SLC36A1: variants seen among roughly 807,000 people sequenced by gnomAD.
The protein encoded by SLC36A1 is proton-coupled amino acid transporter 1.
Under a neutral mutation model 47.5 loss-of-function variants are expected in SLC36A1, and 30 were observed. That is an observed-to-expected ratio of 0.63 (90% CI 0.47 to 0.86). SLC36A1 has a LOEUF of 0.86. Ranked by LOEUF, SLC36A1 falls within the 40% of genes least tolerant of loss-of-function variation. SLC36A1 has a pLI of 0.00. For missense variants in SLC36A1, 517 were observed against 606.0 expected (o/e 0.85, Z 1.54); for synonymous variants, 255 against 249.7 (o/e 1.02, Z -0.20).
the SLC36A1 span, among the ~76,000 whole-genome samples, chr5:151,549,041 T>C: frequency 6.6e-6 from 1 of 152,232 alleles, no homozygotes; most frequent in Non-Finnish European, 1.5e-5. Flanking sequence ...GTTTGGTCAC[T>C]GGTGGGTTTA....
At chr5:151,457,872 G>C (rs908789563) in intron 1 of SLC36A1, among the ~76,000 whole-genome samples, 10 of 145,628 alleles carry the variant, frequency 6.9e-5, no homozygotes, top group Non-Finnish European at 1.3e-4. Context: ...TTTTGAGATG[G>C]AGTTTCGCTC....
the SLC36A1 span, chr5:151,510,465 G>A: frequency 1.5e-5 from 4 of 258,238 alleles, no homozygotes; most frequent in African/African-American, 8.6e-5. Context: ...CTGTTCCAAG[G>A]ATCTTCCTGT....
At chr5:151,360,228 A>G in the SLC36A1 span, among the ~76,000 whole-genome samples, 1 of 152,178 alleles carries the variant, frequency 6.6e-6, no homozygotes, top group Non-Finnish European at 1.5e-5. Flanking sequence ...ATAGCTTTTC[A>G]CTTCTCCAAA....
At chr5:151,350,208 A>C in the SLC36A1 span, among the ~76,000 whole-genome samples, 1 of 152,052 alleles carries the variant, frequency 6.6e-6, no homozygotes, top group East Asian at 1.9e-4. Context: ...CCCCATCTAA[A>C]TAATAATGAT....
the SLC36A1 span, chr5:151,550,652 G>A: frequency 6.2e-7 from 1 of 1,614,184 alleles, no homozygotes; most frequent in South Asian, 1.1e-5. Flanking sequence ...ACCGTTACCA[G>A]GACACCACTG....
chr5:151,356,360 A>AAAAAAAAAAAAAAAAG, the SLC36A1 span, among the ~76,000 whole-genome samples: 3 of 148,284 alleles, frequency 2.0e-5, no homozygotes, highest in African/African-American at 7.6e-5. Context: ...AAAAAAAAAA[A>AAAAAAAAAAAAAAAAG]GAATACACGA....
intron 1 of SLC36A1, among the ~76,000 whole-genome samples, chr5:151,440,101 C>G (rs932072851): frequency 1.3e-5 from 2 of 152,168 alleles, no homozygotes; most frequent in African/African-American, 4.8e-5. Context: ...CGGCATTGCT[C>G]TCTGTATAGT....
chr5:151,440,707 T>C (rs1344924988), intron 1 of SLC36A1, among the ~76,000 whole-genome samples: 1 of 152,212 alleles, frequency 6.6e-6, no homozygotes, highest in Non-Finnish European at 1.5e-5. Flanking sequence ...CTCATCTGCT[T>C]TTCCAGCAAT....
the SLC36A1 span, among the ~76,000 whole-genome samples, chr5:151,427,800 G>A: frequency 6.6e-4 from 100 of 152,328 alleles, 1 homozygote; most frequent in Middle Eastern, 0.01. Context: ...GCCACTCAGG[G>A]TATTCAGACA....
chr5:151,456,214 G>A (rs542819344), intron 1 of SLC36A1, among the ~76,000 whole-genome samples: 12 of 152,260 alleles, frequency 7.9e-5, no homozygotes, highest in Admixed American at 1.3e-4. Flanking sequence ...TCACTATGGT[G>A]CCCAGGCTGG....
chr5:151,546,326 C>T, the SLC36A1 span: 1 of 1,611,290 alleles, frequency 6.2e-7, no homozygotes, highest in South Asian at 1.1e-5. Flanking sequence ...TTGAAGAAAC[C>T]TTCGCTGTTC....
chr5:151,371,747 AT>A, the SLC36A1 span, among the ~76,000 whole-genome samples: 1 of 152,228 alleles, frequency 6.6e-6, no homozygotes, highest in Admixed American at 6.5e-5. Flanking sequence ...TTTTAAAAAA[AT>A]ATTTTCCTTT....
chr5:151,521,262 GA>G, the SLC36A1 span: 1 of 1,587,040 alleles, frequency 6.3e-7, no homozygotes, highest in Non-Finnish European at 8.6e-7. Flanking sequence ...CCCTAGGGAA[GA>G]TGTAGTACTT....
the SLC36A1 span, among the ~76,000 whole-genome samples, chr5:151,361,097 T>C: frequency 6.6e-6 from 1 of 152,228 alleles, no homozygotes; most frequent in Non-Finnish European, 1.5e-5. Context: ...GTTTCAGGCT[T>C]TTATGGTTTT....
chr5:151,518,839 G>A, the SLC36A1 span, among the ~76,000 whole-genome samples: 9 of 152,130 alleles, frequency 5.9e-5, no homozygotes, highest in Non-Finnish European at 1.0e-4. Context: ...GCCCTCCCCA[G>A]ATTTTAAAAA....
the SLC36A1 span, among the ~76,000 whole-genome samples, chr5:151,352,915 G>A: frequency 6.6e-6 from 1 of 152,212 alleles, no homozygotes; most frequent in Non-Finnish European, 1.5e-5. Context: ...ACCCAGCAAG[G>A]GCTGTCCAGA....
the SLC36A1 span, among the ~76,000 whole-genome samples, chr5:151,374,253 G>A: frequency 6.6e-6 from 1 of 152,180 alleles, no homozygotes; most frequent in African/African-American, 2.4e-5. Context: ...CCTGTTTACA[G>A]AGGACTATGA....
chr5:151,466,288 G>A (rs1399267723), intron 5 of SLC36A1, among the ~76,000 whole-genome samples: 1 of 152,176 alleles, frequency 6.6e-6, no homozygotes, highest in Non-Finnish European at 1.5e-5. Flanking sequence ...AAAGTAAAAA[G>A]TGAAAGAAAA....
At chr5:151,424,518 T>C in the SLC36A1 span, among the ~76,000 whole-genome samples, 1 of 152,188 alleles carries the variant, frequency 6.6e-6, no homozygotes, top group African/African-American at 2.4e-5. Context: ...GTCTGCTTTT[T>C]TTGTTTTGTC....
Sources: allele counts gnomAD v4.1 joint callset (sites outside exome capture counted in the v4.1 genomes callset), GRCh38; gene constraint gnomAD v4.1.1; transcripts MANE v1.5; gene names NCBI Gene and HGNC (gene_info 2026-07-23, HGNC 2026-07-21).